Variants in CTNNA1 observed in about 807,000 individuals in gnomAD.
CTNNA1 encodes catenin alpha 1, also known as catenin alpha-1.
In CTNNA1, 37 loss-of-function variants were observed where a neutral mutation model predicts 98.4. The ratio of observed to expected loss-of-function variants is 0.38; its 90% confidence interval spans 0.29 to 0.49. CTNNA1 has a LOEUF of 0.49. Ranked by LOEUF, CTNNA1 falls within the 20% of genes least tolerant of loss-of-function variation. The pLI, the probability that CTNNA1 is intolerant of heterozygous loss-of-function variation, is 0.95. For missense variants in CTNNA1, 761 were observed against 1,147.2 expected (o/e 0.66, Z 4.86); for synonymous variants, 404 against 413.2 (o/e 0.98, Z 0.27).
intron 13 of CTNNA1, among the ~76,000 whole-genome samples, chr5:138,927,871 C>T (rs59864201): frequency 0.032 from 4,920 of 152,126 alleles, 247 homozygotes; most frequent in African/African-American, 0.11. Context: ...ATGCCAGTCC[C>T]GAAGGCATGT....
chr5:138,916,293 T>C (rs753701462), intron 10 of CTNNA1, among the ~76,000 whole-genome samples: 7 of 152,064 alleles, frequency 4.6e-5, no homozygotes, highest in Non-Finnish European at 1.0e-4. Flanking sequence ...GTGGTGAATG[T>C]TGAACAACTG....
intron 10 of CTNNA1, among the ~76,000 whole-genome samples, chr5:138,908,249 C>T (rs1189624000): frequency 6.6e-6 from 1 of 152,152 alleles, no homozygotes; most frequent in Non-Finnish European, 1.5e-5. Context: ...AGTCACTGTG[C>T]CCGGCCTTTC....
intron 16 of CTNNA1, chr5:138,931,882 T>C (rs1050168875): frequency 2.1e-5 from 21 of 985,512 alleles, no homozygotes; most frequent in Non-Finnish European, 2.5e-5. Flanking sequence ...AATGTTTGCT[T>C]GCTATAAACA....
At chr5:138,901,082 G>A (rs1163816677) in intron 9 of CTNNA1, among the ~76,000 whole-genome samples, 1 of 152,104 alleles carries the variant, frequency 6.6e-6, no homozygotes, top group East Asian at 1.9e-4. Context: ...GCTCTGCTGG[G>A]TTCTCTGTGG....
At chr5:138,882,193 A>G (rs954145448) in intron 7 of CTNNA1, among the ~76,000 whole-genome samples, 3 of 152,238 alleles carry the variant, frequency 2.0e-5, no homozygotes, top group South Asian at 2.1e-4. Flanking sequence ...CTGTGGGGAC[A>G]CTGAACTTGA....
intron 3 of CTNNA1, among the ~76,000 whole-genome samples, chr5:138,786,644 G>T (rs1170203055): frequency 6.6e-6 from 1 of 152,132 alleles, no homozygotes; most frequent in East Asian, 1.9e-4. Flanking sequence ...ATTCTGTCTG[G>T]GGGAAGCTGG....
chr5:138,777,288 C>T (rs1754422293), intron 1 of CTNNA1, among the ~76,000 whole-genome samples: 1 of 151,664 alleles, frequency 6.6e-6, no homozygotes, highest in Non-Finnish European at 1.5e-5. Flanking sequence ...CTCCTCACTT[C>T]CTAGATGGGA....
At chr5:138,902,718 A>G (rs1351479668) in intron 9 of CTNNA1, among the ~76,000 whole-genome samples, 2 of 152,116 alleles carry the variant, frequency 1.3e-5, no homozygotes, top group Non-Finnish European at 2.9e-5. Flanking sequence ...CGTGCCCGGT[A>G]CACCAGCGAT....
intron 7 of CTNNA1, among the ~76,000 whole-genome samples, chr5:138,846,987 A>G (rs1276610370): frequency 1.3e-5 from 2 of 152,128 alleles, no homozygotes; most frequent in African/African-American, 2.4e-5. Context: ...TAATTTTTCT[A>G]TTAATTACAT....
chr5:138,903,158 C>T (rs185899700), intron 9 of CTNNA1, among the ~76,000 whole-genome samples: 25 of 152,140 alleles, frequency 1.6e-4, no homozygotes, highest in African/African-American at 4.6e-4. Context: ...TTAAATTGCA[C>T]GTTAACTTCT....
At chr5:138,923,302 T>C (rs1763304979) in intron 11 of CTNNA1, among the ~76,000 whole-genome samples, 1 of 152,242 alleles carries the variant, frequency 6.6e-6, no homozygotes. Flanking sequence ...CCATTTATTC[T>C]TGTAATTGGT....
intron 3 of CTNNA1, among the ~76,000 whole-genome samples, chr5:138,807,011 T>C (rs1484654700): frequency 6.7e-6 from 1 of 148,808 alleles, no homozygotes; most frequent in East Asian, 1.9e-4. Context: ...TGTTGGACTT[T>C]TTTTTTTTTT....
chr5:138,910,488 T>C (rs1313358887), intron 10 of CTNNA1, among the ~76,000 whole-genome samples: 1 of 152,002 alleles, frequency 6.6e-6, no homozygotes, highest in South Asian at 2.1e-4. Context: ...TTCCTTCTGC[T>C]TGCTTTGGGT....
chr5:138,886,072 C>G lies in CTNNA1; in HGVS notation c.1063-140C>G, dbSNP rs570203341. The G allele has an allele frequency of 3.6e-6, 3 of 827,426 alleles. No homozygotes were observed. The East Asian group carries it at 9.6e-5, about 26-fold the overall frequency. 51.3% of individuals were successfully genotyped at this position (827,426 alleles called of 1,614,324 possible). On this transcript the variant is annotated intron_variant, in intron 7 of 17. Coordinates refer to ENST00000302763, the MANE Select transcript of CTNNA1 (RefSeq NM_001903.5). The stretch of plus-strand genomic sequence containing the variant: ...ATGAATAAAGCCACATAACACCCCT[C>G]TGCTCCCCAGTATTTTCCAACTTTG...
chr5:138,845,230 A>G (rs1210812996), intron 7 of CTNNA1, among the ~76,000 whole-genome samples: 2 of 152,230 alleles, frequency 1.3e-5, no homozygotes, highest in Non-Finnish European at 2.9e-5. Context: ...AGAAATGAAT[A>G]AAACTATTCG....
chr5:138,757,474 A>T (rs980287691), intron 1 of CTNNA1, among the ~76,000 whole-genome samples: 6 of 152,146 alleles, frequency 3.9e-5, no homozygotes, highest in African/African-American at 9.7e-5. Context: ...GACTCAGAAA[A>T]AAAGAAAATG....
intron 10 of CTNNA1, among the ~76,000 whole-genome samples, chr5:138,905,256 C>T (rs1052757888): frequency 1.3e-5 from 2 of 152,132 alleles, no homozygotes; most frequent in African/African-American, 2.4e-5. Context: ...CACCACTGCA[C>T]TCCAGCCTTG....
At chr5:138,853,219 A>G (rs1237287906) in intron 7 of CTNNA1, among the ~76,000 whole-genome samples, 2 of 151,166 alleles carry the variant, frequency 1.3e-5, no homozygotes, top group African/African-American at 2.4e-5. Flanking sequence ...AGTGCTTGGG[A>G]TTATAGGCGT....
chr5:138,912,931 A>T (rs1020677413), intron 10 of CTNNA1, among the ~76,000 whole-genome samples: 7 of 152,202 alleles, frequency 4.6e-5, no homozygotes, highest in African/African-American at 1.7e-4. Flanking sequence ...TTAAATACAG[A>T]CATACATAAT....
Sources: gnomAD v4.1 joint callset for allele counts (sites outside exome capture counted in the v4.1 genomes callset) on GRCh38, gnomAD v4.1.1 for gene constraint, MANE v1.5 for transcripts, NCBI Gene and HGNC (gene_info 2026-07-23, HGNC 2026-07-21) for gene names.